Variants in BCHE observed in about 807,000 individuals in gnomAD.
BCHE encodes cholinesterase.
Under a neutral mutation model 51.3 loss-of-function variants are expected in BCHE, and 48 were observed. That is an observed-to-expected ratio of 0.94 (90% CI 0.74 to 1.19). The LOEUF (loss-of-function observed/expected upper bound fraction) is 1.19. Among genes scored for constraint, BCHE ranks in the 50% most tolerant of loss-of-function variants. BCHE has a pLI of 0.00. For missense variants in BCHE, 847 were observed against 708.2 expected, an observed-to-expected ratio of 1.20 and a Z score of -2.23; for synonymous variants, 251 against 238.0, an observed-to-expected ratio of 1.05 and a Z score of -0.50.
intron 2 of BCHE, among the ~76,000 whole-genome samples, chr3:165,788,265 T>C (rs1290401993): frequency 6.6e-6 from 1 of 152,084 alleles, no homozygotes; most frequent in Non-Finnish European, 1.5e-5. Context: ...TCATATTTTA[T>C]CATAGATGCA....
rs944969919 is a variant in BCHE, at chr3:165,808,119, G to T, written c.1517+21398C>A. 8.6e-5 allele frequency among the ~76,000 whole-genome samples: 13 copies of T among 152,036 alleles called. 1 individual carries two copies. Among genetic ancestry groups the T allele is most frequent in the African/African-American group, 3.1e-4 (13 of 41,382 alleles). ...CTGTCTCAGCCTCCCGAGTAGCTGG[G>T]ACTACAGGTGCCTGCCACCACGCCT... is the stretch of plus-strand genomic sequence containing the variant. On this transcript the variant is annotated intron_variant, in intron 2 of 3. Transcript: ENST00000264381.
chr3:165,816,457 T>G (rs1225480197), intron 2 of BCHE, among the ~76,000 whole-genome samples: 1 of 151,830 alleles, frequency 6.6e-6, no homozygotes, highest in Non-Finnish European at 1.5e-5. Flanking sequence ...ATCCCCTGAG[T>G]TGACTTCCCT....
rs1485433855 is a variant in BCHE at position 165,777,474 on chromosome 3, C to T, written c.1685-3968G>A. ...ATGTTTACAAAATAAAAATTTATGT[C>T]AAGATTTCGAATGATCAAATAGACA... On this transcript the variant is annotated intron_variant, in intron 3 of 3. Coordinates refer to ENST00000264381, the MANE Select transcript of BCHE (RefSeq NM_000055.4). Among the ~76,000 whole-genome samples, 3 of 151,724 alleles carry T rather than the reference C, an allele frequency of 2.0e-5. No individual in the cohort carries two copies. In the East Asian group the frequency reaches 5.8e-4, roughly 29 times the overall value.
intron 2 of BCHE, among the ~76,000 whole-genome samples, chr3:165,825,319 AGT>A (rs1479647241): frequency 7.4e-6 from 1 of 135,268 alleles, no homozygotes; most frequent in Non-Finnish European, 1.6e-5. Flanking sequence ...CTACATTAAA[AGT>A]TCACAGATAT....
chr3:165,779,565 A>C (rs1325076136), intron 3 of BCHE, among the ~76,000 whole-genome samples: 1 of 152,132 alleles, frequency 6.6e-6, no homozygotes, highest in Non-Finnish European at 1.5e-5. Context: ...CAAATTCAGC[A>C]GTCTCAGTGT....
intron 2 of BCHE, among the ~76,000 whole-genome samples, chr3:165,818,440 A>T (rs921732338): frequency 5.3e-5 from 8 of 152,112 alleles, no homozygotes; most frequent in Non-Finnish European, 8.8e-5. Flanking sequence ...TCATTTTTAA[A>T]TCAAGACATG....
chr3:165,828,256 T>G (rs1268861117), intron 2 of BCHE, among the ~76,000 whole-genome samples: 1 of 152,114 alleles, frequency 6.6e-6, no homozygotes, highest in East Asian at 1.9e-4. Context: ...CAGGGCACAT[T>G]GAGAGAAGAA....
In BCHE at chr3:165,830,582, G is replaced by C. The variant is rs1168664269; in HGVS notation, c.452C>G (p.Ser151Ter). 6.2e-7 allele frequency: 1 copy of C among 1,613,842 alleles called. No individual in the cohort carries two copies. The highest frequency in any genetic ancestry group is 1.3e-5 in the African/African-American group (1 of 74,916). The change falls in exon 2 of 4, where the codon TCA becomes TGA. Residue 151 changes from serine to a stop codon, truncating the protein, a stop_gained. Coordinates refer to ENST00000264381, the MANE Select transcript of BCHE (RefSeq NM_000055.4). LOFTEE classifies it high-confidence loss of function. ...CTTGCCATCATAAACATGTAAAGAT[G>C]ATGTTCCAGTTTGAAAACCACCACC... ...IYGGGFQTGT[S>*]SLHVYDGKFL...
chr3:165,808,177 A>G (rs1002358000), intron 2 of BCHE, among the ~76,000 whole-genome samples: 5 of 151,808 alleles, frequency 3.3e-5, no homozygotes, highest in Non-Finnish European at 2.9e-5. Context: ...AGTAGAGACG[A>G]GGTTTCACCG....
rs745482371 is a variant in BCHE, at chr3:165,830,825, C to G, written c.209G>C (p.Arg70Pro). ...PYAQPPLGRL[R>P]FKKPQSLTKW... ...GGTCAGAGACTGTGGCTTTTTGAAT[C>G]GAAGTCTACCAAGAGGTGGCTGTGC... Residue 70 changes from arginine (R) to proline (P), a missense_variant, in exon 2 of 4, where the codon CGA (arginine) becomes CCA (proline). Transcript: ENST00000264381. The G allele has an allele frequency of 6.2e-7, 1 of 1,613,744 alleles. No homozygotes were observed. The highest frequency in any genetic ancestry group is 1.7e-5 in the Admixed American group (1 of 59,900).
intron 2 of BCHE, among the ~76,000 whole-genome samples, chr3:165,808,519 T>C (rs1338116961): frequency 6.6e-6 from 1 of 152,170 alleles, no homozygotes; most frequent in Non-Finnish European, 1.5e-5. Context: ...TATGAACAAA[T>C]GCTACATAAT....
intron 2 of BCHE, among the ~76,000 whole-genome samples, chr3:165,795,864 G>C (rs987459690): frequency 1.3e-4 from 20 of 152,082 alleles, no homozygotes; most frequent in African/African-American, 4.8e-4. Flanking sequence ...TTCCTGACTT[G>C]TGGATTGGAA....
intron 2 of BCHE, 65 bp downstream of exon 2, chr3:165,829,452 C>T (rs1714859527): frequency 7.3e-7 from 1 of 1,374,350 alleles, no homozygotes; most frequent in East Asian, 2.3e-5. Context: ...ACCCCAGAGA[C>T]CAAGCAAAGC....
At chr3:165,792,261 T>G (rs1369248795) in intron 2 of BCHE, among the ~76,000 whole-genome samples, 1 of 152,040 alleles carries the variant, frequency 6.6e-6, no homozygotes, top group Non-Finnish European at 1.5e-5. Context: ...TCAAGGAAAC[T>G]TCAAATTCAT....
intron 3 of BCHE, among the ~76,000 whole-genome samples, chr3:165,781,693 C>T (rs1474359690): frequency 6.6e-6 from 1 of 152,084 alleles, no homozygotes; most frequent in African/African-American, 2.4e-5. Flanking sequence ...GCCGCCATGA[C>T]ACACGTATAC....
chr3:165,832,697 T>C (rs549384786), intron 1 of BCHE, among the ~76,000 whole-genome samples: 4 of 152,332 alleles, frequency 2.6e-5, no homozygotes, highest in African/African-American at 9.6e-5. Flanking sequence ...GCCTTCCCTT[T>C]ATTTTTTCTC....
chr3:165,826,903 A>T (rs1159087973), intron 2 of BCHE, among the ~76,000 whole-genome samples: 2 of 152,132 alleles, frequency 1.3e-5, no homozygotes, highest in African/African-American at 4.8e-5. Flanking sequence ...GTTTAGCAGC[A>T]TGCTGGGCCT....
intron 2 of BCHE, among the ~76,000 whole-genome samples, chr3:165,794,130 A>G (rs1340712310): frequency 6.6e-6 from 1 of 152,020 alleles, no homozygotes; most frequent in African/African-American, 2.4e-5. Context: ...CCCAAATAAA[A>G]TGAGTTTAAT....
chr3:165,788,954 A>G (rs979050886), intron 2 of BCHE, among the ~76,000 whole-genome samples: 1 of 151,664 alleles, frequency 6.6e-6, no homozygotes, highest in African/African-American at 2.4e-5. Flanking sequence ...ACAAAATAAC[A>G]AGAGAGACAA....
Sources: gnomAD v4.1 joint callset for allele counts (sites outside exome capture counted in the v4.1 genomes callset) on GRCh38, gnomAD v4.1.1 for gene constraint, MANE v1.5 for transcripts, NCBI Gene and HGNC (gene_info 2026-07-23, HGNC 2026-07-21) for gene names.